Variants in SMAP1 observed in about 807,000 individuals in gnomAD.
SMAP1 encodes small ArfGAP 1.
SMAP1 carries 24 observed loss-of-function variants against 58.5 expected under a neutral mutation model. The ratio of observed to expected loss-of-function variants is 0.41; its 90% CI spans 0.30 to 0.58. SMAP1 has a LOEUF of 0.58. Among genes scored for constraint, SMAP1 ranks in the 20% least tolerant of loss-of-function variants. SMAP1 has a pLI of 0.29. For missense variants in SMAP1, 563 were observed against 566.3 expected (o/e 0.99, Z 0.06); for synonymous variants, 216 against 196.6 (o/e 1.10, Z -0.82).
chr6:70,826,934 C>CAAAAAAAAAAAAAAA (rs61069311), intron 6 of SMAP1, among the ~76,000 whole-genome samples: 2 of 76,628 alleles, frequency 2.6e-5, no homozygotes, highest in African/African-American at 5.6e-5. Flanking sequence ...AACCGTGTCT[C>CAAAAAAAAAAAAAAA]AAAAAAAAAA....
At chr6:70,730,559 G>A (rs1169810673) in intron 1 of SMAP1, among the ~76,000 whole-genome samples, 1 of 152,198 alleles carries the variant, frequency 6.6e-6, no homozygotes, top group Non-Finnish European at 1.5e-5. Context: ...TGTCACAGAT[G>A]TCCCAGATGT....
chr6:70,729,459 T>TGTGTGTGTGTGTGTGTGTGTG (rs1554194434), intron 1 of SMAP1, among the ~76,000 whole-genome samples: 1 of 128,164 alleles, frequency 7.8e-6, no homozygotes, highest in African/African-American at 2.9e-5. Context: ...AAAAAGAAGG[T>TGTGTGTGTGTGTGTGTGTGTG]TGTGTGTGTG....
rs1490754159 is a variant in SMAP1 at position 70,732,489 on chromosome 6, A to G, written c.230A>G (p.Gln77Arg). 5.0e-6 allele frequency: 8 copies of G among 1,600,442 alleles called. No homozygotes were observed. Among genetic ancestry groups the G allele is most frequent in the Non-Finnish European group, 5.1e-6 (6 of 1,172,786 alleles). Reference protein sequence around the residue: ...ISRVKSVNLDQWTAEQIQCMQ... With the variant: ...ISRVKSVNLDRWTAEQIQCMQ... ...AGGGTCAAATCAGTCAACCTAGACC[A>G]ATGGACAGCAGAACAGATACAGGTA... Residue 77 changes from glutamine to arginine, a missense_variant, in exon 2 of 11, where the codon CAA (glutamine) becomes CGA (arginine). By Grantham distance (43) the Gln-to-Arg change is conservative. Transcript: ENST00000370455.
chr6:70,801,087 T>C (rs915583180), intron 6 of SMAP1, among the ~76,000 whole-genome samples: 1 of 152,186 alleles, frequency 6.6e-6, no homozygotes, highest in Non-Finnish European at 1.5e-5. Context: ...CTTGGGGAAT[T>C]GCCACACTGT....
At chr6:70,683,783 T>G (rs1178842238) in intron 1 of SMAP1, among the ~76,000 whole-genome samples, 2 of 152,210 alleles carry the variant, frequency 1.3e-5, no homozygotes, top group African/African-American at 4.8e-5. Context: ...ACAAGAGACC[T>G]GTATGGTATC....
intron 5 of SMAP1, among the ~76,000 whole-genome samples, chr6:70,792,326 A>ATTTTTT (rs70990333): frequency 7.1e-6 from 1 of 140,172 alleles, no homozygotes; most frequent in Non-Finnish European, 1.5e-5. Context: ...CTCTTTACCT[A>ATTTTTT]TTTTTTTTTT....
At chr6:70,713,988 G>A (rs1335514975) in intron 1 of SMAP1, among the ~76,000 whole-genome samples, 1 of 152,118 alleles carries the variant, frequency 6.6e-6, no homozygotes, top group African/African-American at 2.4e-5. Flanking sequence ...TTGTCATTGT[G>A]TAATGACCTT....
At chr6:70,764,695 T>A (rs1239733552) in intron 3 of SMAP1, among the ~76,000 whole-genome samples, 1 of 152,242 alleles carries the variant, frequency 6.6e-6, no homozygotes, top group East Asian at 1.9e-4. Context: ...ACAATGCTCC[T>A]AGTAACCCAA....
intron 6 of SMAP1, among the ~76,000 whole-genome samples, chr6:70,807,828 C>T (rs565585871): frequency 1.3e-5 from 2 of 152,018 alleles, no homozygotes; most frequent in East Asian, 3.8e-4. Flanking sequence ...GCCCTTACCC[C>T]CACTGTGCCG....
chr6:70,758,196 A>C (rs1247503923), intron 3 of SMAP1, among the ~76,000 whole-genome samples: 14 of 151,832 alleles, frequency 9.2e-5, no homozygotes, highest in African/African-American at 3.4e-4. Flanking sequence ...AGCCATAAAA[A>C]ATGATGCGTT....
chr6:70,760,729 C>G (rs1254345729), intron 3 of SMAP1, among the ~76,000 whole-genome samples: 1 of 151,954 alleles, frequency 6.6e-6, no homozygotes, highest in African/African-American at 2.4e-5. Context: ...ATCCCTAGAG[C>G]AAGTATAACC....
Position 70,667,911 on chromosome 6 carries a change from CT to C in SMAP1, c.-112del. 1.2e-6 allele frequency: 1 copy of C among 869,090 alleles called. No individual in the cohort carries two copies. Among genetic ancestry groups the C allele is most frequent in the South Asian group, 1.8e-5 (1 of 54,444 alleles). The allele number at this position is 869,090 out of a possible 1,614,324, so 53.8% of individuals were successfully genotyped here. A position where few individuals can be genotyped will look rare whatever the true frequency, so the allele number is the denominator to read the frequency against. ...CCGTTCCAGCTGCCGCTGCCGCTTCCTGGGCTGAGTCCGCCCGCGGTCCCGG... is the reference window on the plus strand; with the variant it reads ...CCGTTCCAGCTGCCGCTGCCGCTTCCGGGCTGAGTCCGCCCGCGGTCCCGG... On this transcript the variant is annotated 5_prime_UTR_variant, in exon 1 of 11. Transcript: ENST00000370455.
intron 6 of SMAP1, among the ~76,000 whole-genome samples, chr6:70,830,167 A>G (rs891193412): frequency 1.3e-5 from 2 of 152,208 alleles, no homozygotes; most frequent in African/African-American, 2.4e-5. Context: ...AATTTTATCT[A>G]CCCACAGTTG....
intron 4 of SMAP1, among the ~76,000 whole-genome samples, chr6:70,789,570 A>C (rs1292026367): frequency 6.7e-6 from 1 of 150,158 alleles, no homozygotes; most frequent in Non-Finnish European, 1.5e-5. Flanking sequence ...ACATGGTATT[A>C]AATCATTTAT....
intron 1 of SMAP1, among the ~76,000 whole-genome samples, chr6:70,722,442 C>T (rs902679502): frequency 6.6e-6 from 1 of 152,232 alleles, no homozygotes; most frequent in African/African-American, 2.4e-5. Context: ...TATTTACTAG[C>T]ATGTGCTAAG....
Position 70,702,001 on chromosome 6 carries a change from A to G in SMAP1, c.119-30377A>G, listed in dbSNP as rs1229345073. Among the ~76,000 whole-genome samples the G allele has an allele frequency of 3.9e-5, 6 of 152,320 alleles. No homozygotes were observed. In the Middle Eastern group the frequency reaches 0.014, roughly 345 times the overall value. ...ATGTTTTAGTATGGCAAAAAGTTCT[A>G]CGTTGACAGTATTTTACTTTCAGTA... On this transcript the variant is annotated intron_variant, in intron 1 of 10. Coordinates refer to ENST00000370455, the MANE Select transcript of SMAP1 (RefSeq NM_001044305.3).
intron 6 of SMAP1, among the ~76,000 whole-genome samples, chr6:70,799,968 C>T (rs1768774686): frequency 6.6e-6 from 1 of 152,156 alleles, no homozygotes; most frequent in Non-Finnish European, 1.5e-5. Context: ...AATGGTGTCT[C>T]ATTAAATTTT....
At chr6:70,855,387 G>A (rs1771373768) in intron 8 of SMAP1, among the ~76,000 whole-genome samples, 2 of 152,116 alleles carry the variant, frequency 1.3e-5, no homozygotes, top group Admixed American at 6.6e-5. Context: ...ATATTATGAT[G>A]TTTACAGTAT....
chr6:70,775,378 T>C (rs986674218), intron 4 of SMAP1, among the ~76,000 whole-genome samples: 10 of 152,184 alleles, frequency 6.6e-5, no homozygotes, highest in African/African-American at 1.9e-4. Flanking sequence ...TACATAGTAA[T>C]GTGTAAGATG....
Sources: allele counts gnomAD v4.1 joint callset (sites outside exome capture counted in the v4.1 genomes callset), GRCh38; gene constraint gnomAD v4.1.1; transcripts MANE v1.5; gene names NCBI Gene and HGNC (gene_info 2026-07-23, HGNC 2026-07-21).